Variants in FGF13 observed in about 807,000 individuals in gnomAD.
FGF13 encodes fibroblast growth factor homologous factor 2.
A neutral mutation model predicts 19.5 loss-of-function variants in FGF13; 2 were observed. The ratio of observed to expected loss-of-function variants is 0.10; its 90% CI spans 0.04 to 0.32. The LOEUF (loss-of-function observed/expected upper bound fraction) is 0.32. FGF13 is among the 10% of genes least tolerant of loss of function. FGF13 has a pLI of 1.00. For missense variants in FGF13, 113 were observed against 192.7 expected (o/e 0.59, Z 2.45); for synonymous variants, 72 against 76.9 (o/e 0.94, Z 0.33).
At chrX:138,734,730 T>C (rs954392306) in intron 1 of FGF13, among the ~76,000 whole-genome samples, 11 of 111,845 alleles carry the variant, frequency 9.8e-5, no homozygotes, top group African/African-American at 3.6e-4. Context: ...TCTGCTGCTT[T>C]TGTGTTATTT....
rs1181637746 is a variant in FGF13 at position 138,708,850 on chromosome X, A to G, written c.266T>C (p.Ile89Thr). ...YHLQLQADGTIDGTKDEDSTY... is the reference protein window; with the variant it reads ...YHLQLQADGTTDGTKDEDSTY... The stretch of plus-strand genomic sequence containing the variant: ...GCTGTCCTCATCTTTGGTGCCATCA[A>G]TGGTTCCATCCGCCTGCAGCTGCAA... Residue 89 changes from isoleucine (I) to threonine (T), a missense_variant, in exon 2 of 5, where the codon ATT (isoleucine) becomes ACT (threonine). Transcript: ENST00000315930. 3 of 1,210,281 alleles carry G rather than the reference A, an allele frequency of 2.5e-6. No homozygotes were observed. The highest frequency in any genetic ancestry group is 1.8e-5 in the South Asian group (1 of 56,876).
At chrX:138,760,450 G>A (rs1602798556) in intron 3 of FGF13, among the ~76,000 whole-genome samples, 1 of 111,862 alleles carries the variant, frequency 8.9e-6, no homozygotes, top group East Asian at 2.8e-4. Context: ...GCTGACACAA[G>A]CCTGCCTCGG....
chrX:138,930,808 T>G (rs1378964341), intron 1 of FGF13, among the ~76,000 whole-genome samples: 1 of 111,851 alleles, frequency 8.9e-6, no homozygotes, highest in Non-Finnish European at 1.9e-5. Flanking sequence ...GATTTATAAT[T>G]GAAGTTGAAA....
chrX:138,852,250 C>T (rs1310541504), intron 3 of FGF13, among the ~76,000 whole-genome samples: 1 of 111,816 alleles, frequency 8.9e-6, no homozygotes, highest in Non-Finnish European at 1.9e-5. Context: ...AAAGAGCCTG[C>T]ATAGCCAAGA....
At chrX:138,931,238 T>G (rs2091699871) in intron 1 of FGF13, among the ~76,000 whole-genome samples, 1 of 110,880 alleles carries the variant, frequency 9.0e-6, no homozygotes, top group Non-Finnish European at 1.9e-5. Flanking sequence ...GAAGTGAATA[T>G]GACAGAAAAG....
chrX:138,925,185 G>A (rs1358383574), intron 1 of FGF13, among the ~76,000 whole-genome samples: 2 of 111,599 alleles, frequency 1.8e-5, no homozygotes, highest in African/African-American at 3.3e-5. Context: ...ATTGTCTCTC[G>A]GCAAAGCAGA....
intron 1 of FGF13, among the ~76,000 whole-genome samples, chrX:138,997,430 C>CG (rs397686959): frequency 3.6e-4 from 2 of 5,483 alleles, no homozygotes; most frequent in Non-Finnish European, 9.8e-4. Context: ...AAGCTAAGAA[C>CG]TTGAAAAAAG....
chrX:138,784,341 A>G (rs1423601279), intron 3 of FGF13, among the ~76,000 whole-genome samples: 1 of 109,212 alleles, frequency 9.2e-6, no homozygotes, highest in Admixed American at 9.7e-5. Context: ...AAAAAAAAAA[A>G]AAAAGAAAAG....
intron 1 of FGF13, among the ~76,000 whole-genome samples, chrX:139,081,676 C>T (rs1297480276): frequency 3.6e-5 from 4 of 111,619 alleles, no homozygotes; most frequent in Non-Finnish European, 5.6e-5. Context: ...CAGTAAGTAA[C>T]GCCACTGAGT....
intron 1 of FGF13, among the ~76,000 whole-genome samples, chrX:138,952,709 T>A (rs777424672): frequency 1.8e-5 from 2 of 111,525 alleles, no homozygotes; most frequent in East Asian, 5.7e-4. Context: ...AGAATCTACA[T>A]TGAACATAAA....
At chrX:139,199,985 T>C (rs930162709) in intron 1 of FGF13, among the ~76,000 whole-genome samples, 1 of 112,089 alleles carries the variant, frequency 8.9e-6, no homozygotes, top group African/African-American at 3.2e-5. Context: ...ACTCATTTTC[T>C]CCACCTATCC....
At chrX:138,846,280 C>G (rs2091182783) in intron 3 of FGF13, among the ~76,000 whole-genome samples, 1 of 105,437 alleles carries the variant, frequency 9.5e-6, no homozygotes, top group Non-Finnish European at 2.0e-5. Context: ...TTCCCTTGTC[C>G]CAGTGTTTTG....
chrX:138,806,675 C>A (rs185133903), intron 3 of FGF13: 2 of 112,142 alleles, frequency 1.8e-5, no homozygotes, highest in East Asian at 5.6e-4. Context: ...TTGACTGGCA[C>A]AGGTGCATCT....
chrX:139,119,647 C>T (rs767229178), intron 1 of FGF13, among the ~76,000 whole-genome samples: 1 of 111,957 alleles, frequency 8.9e-6, no homozygotes, highest in African/African-American at 3.2e-5. Context: ...CTCTGAGCTC[C>T]CTTGTTTCTC....
At chrX:139,158,834 A>T (rs1242300455) in intron 1 of FGF13, among the ~76,000 whole-genome samples, 1 of 111,694 alleles carries the variant, frequency 9.0e-6, no homozygotes, top group Non-Finnish European at 1.9e-5. Flanking sequence ...ATGTGAAAAG[A>T]CCAAACCTAC....
At chrX:138,882,224 T>C (rs2091429580) in intron 1 of FGF13, among the ~76,000 whole-genome samples, 1 of 111,148 alleles carries the variant, frequency 9.0e-6, no homozygotes, top group Non-Finnish European at 1.9e-5. Context: ...TTTCATTCTA[T>C]TGTGGTTGGA....
At chrX:139,023,032 T>C (rs1327435727) in intron 1 of FGF13, among the ~76,000 whole-genome samples, 1 of 111,628 alleles carries the variant, frequency 9.0e-6, no homozygotes, top group Non-Finnish European at 1.9e-5. Context: ...AATATTAGTA[T>C]ATGGCATACA....
chrX:138,880,660 C>T (rs184281430), intron 1 of FGF13, among the ~76,000 whole-genome samples: 164 of 111,669 alleles, frequency 1.5e-3, no homozygotes, highest in African/African-American at 4.7e-3. Flanking sequence ...GAAATCCAGT[C>T]GACTCCGCAG....
intron 1 of FGF13, among the ~76,000 whole-genome samples, chrX:138,963,573 T>C (rs1466541795): frequency 2.7e-5 from 3 of 112,153 alleles, no homozygotes; most frequent in African/African-American, 9.7e-5. Flanking sequence ...CCCTATTATA[T>C]TGCATATGCC....
Sources: gnomAD v4.1 joint callset for allele counts (sites outside exome capture counted in the v4.1 genomes callset) on GRCh38, gnomAD v4.1.1 for gene constraint, MANE v1.5 for transcripts, NCBI Gene and HGNC (gene_info 2026-07-23, HGNC 2026-07-21) for gene names.